Variants in SLC24A3 observed in about 807,000 individuals in gnomAD.
SLC24A3 encodes the protein sodium/potassium/calcium exchanger 3.
Under a neutral mutation model 75.8 loss-of-function variants are expected in SLC24A3, and 28 were observed. That is an observed-to-expected ratio of 0.37 (90% CI 0.27 to 0.51). SLC24A3 has a LOEUF of 0.51. Ranked by LOEUF, SLC24A3 falls within the 20% of genes least tolerant of loss-of-function variation. The pLI, the probability that SLC24A3 is intolerant of heterozygous loss-of-function variation, is 0.94. For missense variants in SLC24A3, 663 were observed against 847.8 expected (o/e 0.78, Z 2.71); for synonymous variants, 372 against 334.1 (o/e 1.11, Z -1.24).
In SLC24A3 at chr20:19,290,039, A is replaced by C. The variant is rs150536904; in HGVS notation, c.271+8952A>C. 2.9e-3 allele frequency among the ~76,000 whole-genome samples: 437 copies of C among 152,270 alleles called. 3 individuals carry two copies. Among genetic ancestry groups the C allele is most frequent in the African/African-American group, 9.8e-3 (408 of 41,574 alleles). On this transcript the variant is annotated intron_variant, in intron 2 of 16. Transcript: ENST00000328041. ...CCTTTTAAGCGCTCTCAGATGTCTT[A>C]GGACCACCACCACCAGCAGCAGCAG...
chr20:19,524,021 G>A (rs944294646), intron 3 of SLC24A3, among the ~76,000 whole-genome samples: 1 of 152,134 alleles, frequency 6.6e-6, no homozygotes, highest in Non-Finnish European at 1.5e-5. Flanking sequence ...GATTGGTGGT[G>A]GATAAATGCC....
rs372824146 is a variant in SLC24A3, at chr20:19,516,336, G to A, written c.348+772G>A. On this transcript the variant is annotated intron_variant, in intron 3 of 16. Coordinates refer to ENST00000328041, the MANE Select transcript of SLC24A3 (RefSeq NM_020689.4). ...CAAGAAATCTCTGAGCCAAATTCTC[G>A]ACTAGGTACATTACTGCTTCCCCAT... Among the ~76,000 whole-genome samples, 13 of 152,294 alleles carry A rather than the reference G, an allele frequency of 8.5e-5. 2 individuals carry two copies. Among genetic ancestry groups the A allele is most frequent in the South Asian group, 4.2e-4 (2 of 4,816 alleles).
chr20:19,310,991 C>T (rs1028303943), intron 2 of SLC24A3, among the ~76,000 whole-genome samples: 7 of 152,142 alleles, frequency 4.6e-5, no homozygotes, highest in East Asian at 1.9e-4. Flanking sequence ...AATCTTCCTT[C>T]GTTCCTTTCT....
chr20:19,602,996 T>A (rs1179073947), intron 6 of SLC24A3, among the ~76,000 whole-genome samples: 1 of 152,240 alleles, frequency 6.6e-6, no homozygotes, highest in Non-Finnish European at 1.5e-5. Context: ...TCACGGTGCA[T>A]GTGGAGTTAA....
chr20:19,222,401 A>C (rs981033059), intron 1 of SLC24A3, among the ~76,000 whole-genome samples: 7 of 152,140 alleles, frequency 4.6e-5, no homozygotes, highest in African/African-American at 1.7e-4. Context: ...TGTGCAAAGG[A>C]GGGTCTTGTT....
intron 2 of SLC24A3, among the ~76,000 whole-genome samples, chr20:19,346,397 G>A (rs1402478133): frequency 1.4e-5 from 2 of 140,662 alleles, no homozygotes; most frequent in African/African-American, 2.6e-5. Flanking sequence ...TATATATGGT[G>A]TATATATATG....
chr20:19,679,174 C>G (rs1344900303), intron 9 of SLC24A3, among the ~76,000 whole-genome samples: 1 of 151,838 alleles, frequency 6.6e-6, no homozygotes, highest in South Asian at 2.1e-4. Flanking sequence ...GAGGTTGTAG[C>G]AAGCCGAGAT....
intron 1 of SLC24A3, among the ~76,000 whole-genome samples, chr20:19,226,733 A>C (rs1981881548): frequency 6.6e-6 from 1 of 152,210 alleles, no homozygotes; most frequent in Admixed American, 6.5e-5. Context: ...ACATGCGAAG[A>C]AAAATAAGAC....
At chr20:19,369,165 G>A (rs981226843) in intron 2 of SLC24A3, among the ~76,000 whole-genome samples, 2 of 152,164 alleles carry the variant, frequency 1.3e-5, no homozygotes, top group Non-Finnish European at 2.9e-5. Context: ...AATTGTAAAG[G>A]AAAAAGTAGT....
At chr20:19,708,221 C>T (rs1249658067) in intron 15 of SLC24A3, among the ~76,000 whole-genome samples, 4 of 152,134 alleles carry the variant, frequency 2.6e-5, no homozygotes, top group African/African-American at 4.8e-5. Context: ...AGCCTACCCT[C>T]AGCCAAATTT....
intron 2 of SLC24A3, among the ~76,000 whole-genome samples, chr20:19,351,160 C>T (rs1985556884): frequency 6.6e-6 from 1 of 152,210 alleles, no homozygotes; most frequent in African/African-American, 2.4e-5. Context: ...CCTATGTCAA[C>T]ACCTTATCTC....
chr20:19,641,759 G>A (rs2032077544), intron 6 of SLC24A3, among the ~76,000 whole-genome samples: 1 of 152,128 alleles, frequency 6.6e-6, no homozygotes, highest in Non-Finnish European at 1.5e-5. Context: ...TCTAGGGGTG[G>A]GACCCAGGCA....
In SLC24A3 at chr20:19,681,929, CCAA is replaced by C; in HGVS notation, c.843_845del (p.Asn282del). 1 of 1,614,124 alleles carries C rather than the reference CCAA, an allele frequency of 6.2e-7. No individual in the cohort carries two copies. The highest frequency in any genetic ancestry group is 8.5e-7 in the Non-Finnish European group (1 of 1,180,036). On this transcript the variant is annotated inframe_deletion, in exon 10 of 17. Coordinates refer to ENST00000328041, the MANE Select transcript of SLC24A3 (RefSeq NM_020689.4). ...GCCGGGAACATGGTCAACGGATTGGCCAACAATGCTGAAATTGATGACAGCAGC... is the reference window on the plus strand; with the variant it reads ...GCCGGGAACATGGTCAACGGATTGGCCAATGCTGAAATTGATGACAGCAGC...
intron 12 of SLC24A3, 60 bp downstream of exon 12, chr20:19,685,421 C>A: frequency 4.4e-6 from 7 of 1,574,322 alleles, no homozygotes; most frequent in Non-Finnish European, 5.2e-6. Flanking sequence ...GAGTAGATGC[C>A]CTTGACTTAG....
rs1347872267 is a variant in SLC24A3 at position 19,681,980 on chromosome 20, T to C, written c.890T>C (p.Leu297Pro). The C allele has an allele frequency of 6.2e-7, 1 of 1,613,924 alleles. No homozygotes were observed. Among genetic ancestry groups the C allele is most frequent in the Non-Finnish European group, 8.5e-7 (1 of 1,180,012 alleles). ...AGCAACTGCGACGCAACTGTGGTGC[T>C]ACTTAAGAAAGGTAACCAAGGAGAG... ...DSSNCDATVV[L>P]LKKANFHRKA... The change falls in exon 10 of 17, where the codon CTA becomes CCA. Residue 297 changes from leucine to proline, a missense_variant. Physicochemically the swap from Leu to Pro is moderately conservative, Grantham distance 98 (BLOSUM62 -3). This residue lies in a region of SLC24A3 where 510 missense variants were observed against 703.6 expected (regional missense o/e 0.72). Transcript: ENST00000328041.
At chr20:19,588,736 C>T (rs138763621) in intron 6 of SLC24A3, among the ~76,000 whole-genome samples, 10 of 152,220 alleles carry the variant, frequency 6.6e-5, no homozygotes, top group Non-Finnish European at 1.2e-4. Flanking sequence ...GTATCTTGTA[C>T]GTTGTATTGA....
intron 2 of SLC24A3, among the ~76,000 whole-genome samples, chr20:19,334,741 C>T (rs753660656): frequency 1.6e-4 from 24 of 152,176 alleles, no homozygotes; most frequent in African/African-American, 2.2e-4. Flanking sequence ...CTGTAGGACA[C>T]GCCTCAGAGC....
intron 9 of SLC24A3, among the ~76,000 whole-genome samples, chr20:19,680,714 G>A (rs972258352): frequency 1.3e-5 from 2 of 152,254 alleles, no homozygotes; most frequent in Non-Finnish European, 2.9e-5. Flanking sequence ...TCCAGCCACA[G>A]AGGACCTCTT....
chr20:19,282,820 G>A (rs926688671), intron 2 of SLC24A3, among the ~76,000 whole-genome samples: 1 of 152,190 alleles, frequency 6.6e-6, no homozygotes, highest in African/African-American at 2.4e-5. Context: ...CAGGTGGTTG[G>A]TCTCTCTGTG....
Sources: gnomAD v4.1 joint callset for allele counts (sites outside exome capture counted in the v4.1 genomes callset) on GRCh38, gnomAD v4.1.1 for gene constraint, gnomAD v4.1.1 regional missense constraint, MANE v1.5 for transcripts, NCBI Gene and HGNC (gene_info 2026-07-23, HGNC 2026-07-21) for gene names.